The following PTCSC3 variants were observed in gnomAD, a reference collection of about 807,000 sequenced individuals.
PTCSC3 encodes the protein papillary thyroid carcinoma susceptibility candidate 3.
chr14:36,140,481 T>C (rs1881394814), intron 3 of PTCSC3, among the ~76,000 whole-genome samples: 1 of 152,226 alleles, frequency 6.6e-6, no homozygotes, highest in African/African-American at 2.4e-5. Context: ...CGAGGTCCTG[T>C]TGGTCCACAT....
chr14:36,153,462 T>C (rs1286413669), intron 3 of PTCSC3, among the ~76,000 whole-genome samples: 1 of 152,212 alleles, frequency 6.6e-6, no homozygotes, highest in Non-Finnish European at 1.5e-5. Context: ...ATCCATAGTG[T>C]TGACACGATG....
At chr14:36,162,599 A>G (rs1165895923) in intron 2 of PTCSC3, 1 of 152,236 alleles carries the variant, frequency 6.6e-6, no homozygotes, top group Non-Finnish European at 1.5e-5. Context: ...TGGGTACCTC[A>G]GTTGGAAATG....
chr14:36,152,580 C>T (rs1290675889), intron 3 of PTCSC3, among the ~76,000 whole-genome samples: 1 of 152,054 alleles, frequency 6.6e-6, no homozygotes, highest in Non-Finnish European at 1.5e-5. Context: ...GGCTTGTATT[C>T]AGAATATGAG....
intron 1 of PTCSC3, among the ~76,000 whole-genome samples, chr14:36,169,780 G>A (rs990868179): frequency 6.6e-6 from 1 of 152,140 alleles, no homozygotes; most frequent in Non-Finnish European, 1.5e-5. Flanking sequence ...AGGAGTTGGG[G>A]AAGAACATTG....
intron 2 of PTCSC3, among the ~76,000 whole-genome samples, chr14:36,156,073 G>A (rs1004897680): frequency 6.6e-6 from 1 of 152,184 alleles, no homozygotes; most frequent in South Asian, 2.1e-4. Flanking sequence ...TCTGTAAAAT[G>A]TCACATTGTC....
At chr14:36,168,587 A>T (rs1246889856) in intron 1 of PTCSC3, among the ~76,000 whole-genome samples, 3 of 151,978 alleles carry the variant, frequency 2.0e-5, no homozygotes, top group African/African-American at 7.2e-5. Context: ...ATTTAAAAAG[A>T]AAGGAAACAG....
intron 1 of PTCSC3, among the ~76,000 whole-genome samples, chr14:36,168,372 T>G (rs949448959): frequency 5.1e-5 from 2 of 39,374 alleles, no homozygotes; most frequent in Non-Finnish European, 1.8e-4. Context: ...TATATATATA[T>G]ATATATATAT....
rs1251375156 is a variant in PTCSC3, at chr14:36,152,906, AAAAAG to A, written n.322+893_322+897del. On this transcript the variant is annotated intron_variant and non_coding_transcript_variant, in intron 3 of 3. Coordinates refer to ENST00000556013, the Ensembl canonical transcript of PTCSC3. The stretch of plus-strand genomic sequence containing the variant: ...GAGACTCCATCTCGAAAGGAAAAAA[AAAAAG>A]AAAGAAAGAAAGAAAAAGAAAAAAG... Among the ~76,000 whole-genome samples, 247 of 152,210 alleles carry A rather than the reference AAAAAG, an allele frequency of 1.6e-3. 1 individual carries two copies. The highest frequency in any genetic ancestry group is 5.7e-3 in the African/African-American group (235 of 41,530).
intron 2 of PTCSC3, among the ~76,000 whole-genome samples, chr14:36,157,625 C>A: frequency 6.6e-6 from 1 of 152,044 alleles, no homozygotes; most frequent in East Asian, 1.9e-4. Flanking sequence ...GCCAGTTTTC[C>A]CAACACCATT....
chr14:36,147,453 A>G (rs1222534761), intron 3 of PTCSC3, among the ~76,000 whole-genome samples: 2 of 152,160 alleles, frequency 1.3e-5, no homozygotes, highest in African/African-American at 2.4e-5. Flanking sequence ...AGTTGATCGC[A>G]TCGGCTCCTG....
At chr14:36,148,434 T>C (rs987652842) in intron 3 of PTCSC3, among the ~76,000 whole-genome samples, 27 of 151,926 alleles carry the variant, frequency 1.8e-4, no homozygotes, top group African/African-American at 6.3e-4. Context: ...TTCCAGGTGC[T>C]GTCCGTCACC....
intron 3 of PTCSC3, chr14:36,153,755 C>A (rs554209127): frequency 1.3e-5 from 2 of 152,060 alleles, no homozygotes; most frequent in African/African-American, 2.4e-5. Flanking sequence ...TATATTTGTA[C>A]ATGGAATATT....
chr14:36,140,970 T>C (rs1189762068), intron 3 of PTCSC3, among the ~76,000 whole-genome samples: 1 of 152,218 alleles, frequency 6.6e-6, no homozygotes, highest in African/African-American at 2.4e-5. Context: ...GTTTTTGTAG[T>C]ACCATTTGTT....
At chr14:36,163,425 A>C (rs1239702292) in intron 1 of PTCSC3, among the ~76,000 whole-genome samples, 1 of 151,518 alleles carries the variant, frequency 6.6e-6, no homozygotes, top group Non-Finnish European at 1.5e-5. Flanking sequence ...ACCATGGAGG[A>C]AAAAAAAAGA....
At chr14:36,170,685 G>A (rs1305965861) in intron 1 of PTCSC3, among the ~76,000 whole-genome samples, 1 of 152,020 alleles carries the variant, frequency 6.6e-6, no homozygotes, top group African/African-American at 2.4e-5. Context: ...ACTTCCTCTG[G>A]GATCCTGGAC....
chr14:36,142,930 A>G (rs1884663893), intron 3 of PTCSC3, among the ~76,000 whole-genome samples: 1 of 151,564 alleles, frequency 6.6e-6, no homozygotes, highest in Non-Finnish European at 1.5e-5. Context: ...TTATTGCGAT[A>G]GTTTACTGAG....
At chr14:36,148,028 C>T (rs944516013) in intron 3 of PTCSC3, among the ~76,000 whole-genome samples, 3 of 152,194 alleles carry the variant, frequency 2.0e-5, no homozygotes, top group African/African-American at 7.2e-5. Flanking sequence ...ATTCTCAGAT[C>T]TCCAGCTGCA....
intron 2 of PTCSC3, among the ~76,000 whole-genome samples, chr14:36,154,200 C>T (rs933318387): frequency 1.3e-5 from 2 of 152,098 alleles, no homozygotes; most frequent in East Asian, 1.9e-4. Flanking sequence ...TAGTGGTTAC[C>T]TTCAAGGAGA....
intron 3 of PTCSC3, among the ~76,000 whole-genome samples, chr14:36,152,119 C>A (rs1881736792): frequency 6.6e-6 from 1 of 151,816 alleles, no homozygotes; most frequent in East Asian, 1.9e-4. Flanking sequence ...TAAGTCTTCT[C>A]TGTGGATTTT....
Sources: allele counts gnomAD v4.1 joint callset (sites outside exome capture counted in the v4.1 genomes callset), GRCh38; gene constraint gnomAD v4.1.1; transcripts MANE v1.5; gene names NCBI Gene and HGNC (gene_info 2026-07-23, HGNC 2026-07-21).